HECW2: variants seen among roughly 807,000 people sequenced by gnomAD.
The protein encoded by HECW2 is HECT, C2 and WW domain containing E3 ubiquitin protein ligase 2, also known as E3 ubiquitin-protein ligase HECW2.
HECW2 carries 61 observed loss-of-function variants against 175.2 expected under a neutral mutation model. The ratio of observed to expected loss-of-function variants is 0.35; its 90% CI spans 0.28 to 0.43. The LOEUF (loss-of-function observed/expected upper bound fraction) is 0.43. Among genes scored for constraint, HECW2 ranks in the 20% least tolerant of loss-of-function variants. HECW2 has a pLI of 1.00. For missense variants in HECW2, 1,524 were observed against 2,000.5 expected (o/e 0.76, Z 4.54); for synonymous variants, 671 against 731.0 (o/e 0.92, Z 1.32).
intron 1 of HECW2, among the ~76,000 whole-genome samples, chr2:196,571,800 G>C (rs772201752): frequency 5.3e-5 from 8 of 152,074 alleles, no homozygotes; most frequent in Non-Finnish European, 1.0e-4. Flanking sequence ...CAAAAGAATT[G>C]AAAGCAAGGT....
At chr2:196,209,765 C>T (rs866015237) in intron 28 of HECW2, among the ~76,000 whole-genome samples, 1,418 of 140,096 alleles carry the variant, frequency 0.01, 31 homozygotes, top group African/African-American at 0.035. Flanking sequence ...TTCTTTCTTT[C>T]TTTTTTTTTT....
In HECW2 at chr2:196,323,915, G is replaced by GTTTTTTTTTTTTTTT. The variant is rs1160140452; in HGVS notation, c.741+1064_741+1065insAAAAAAAAAAAAAAA. ...CCCTTAAGAGTTTTTTTTGTTTTTT[G>GTTTTTTTTTTTTTTT]TTTGTTTTTTTTTTTTTTTTTTACC... On this transcript the variant is annotated intron_variant, in intron 6 of 28. Transcript: ENST00000644978. 1.3e-3 allele frequency among the ~76,000 whole-genome samples: 90 copies of GTTTTTTTTTTTTTTT among 68,522 alleles called. 7 individuals are homozygous for GTTTTTTTTTTTTTTT. Among genetic ancestry groups the GTTTTTTTTTTTTTTT allele is most frequent in the Non-Finnish European group, 1.9e-3 (60 of 32,420 alleles). 45.0% of individuals were successfully genotyped at this position (68,522 alleles called of 152,430 possible).
chr2:196,291,225 T>C (rs955933073), intron 14 of HECW2: 3 of 152,128 alleles, frequency 2.0e-5, no homozygotes, highest in African/African-American at 7.2e-5. Flanking sequence ...TATACTTTAC[T>C]CCTTACTTCT....
chr2:196,511,885 T>C (rs961004696), intron 1 of HECW2, among the ~76,000 whole-genome samples: 1 of 152,194 alleles, frequency 6.6e-6, no homozygotes, highest in African/African-American at 2.4e-5. Flanking sequence ...GGCCCTGTGA[T>C]TCAGGAACTT....
chr2:196,486,620 A>G (rs1330951139), intron 1 of HECW2, among the ~76,000 whole-genome samples: 1 of 152,200 alleles, frequency 6.6e-6, no homozygotes, highest in Non-Finnish European at 1.5e-5. Flanking sequence ...AGAAATGGGA[A>G]GAAGACACAG....
intron 2 of HECW2, among the ~76,000 whole-genome samples, chr2:196,374,031 CAA>C (rs1257396628): frequency 7.8e-6 from 1 of 127,456 alleles, no homozygotes; most frequent in African/African-American, 3.6e-5. Flanking sequence ...GACTCCGTCT[CAA>C]AAAAAATAAA....
intron 2 of HECW2, among the ~76,000 whole-genome samples, chr2:196,360,332 T>C (rs1357400829): frequency 6.6e-6 from 1 of 152,136 alleles, no homozygotes; most frequent in African/African-American, 2.4e-5. Flanking sequence ...AAAGAAAATG[T>C]AGTACATATA....
intron 1 of HECW2, among the ~76,000 whole-genome samples, chr2:196,561,925 A>G (rs961850510): frequency 3.3e-5 from 5 of 152,244 alleles, no homozygotes; most frequent in East Asian, 1.9e-4. Flanking sequence ...AGAGGCAATG[A>G]AAAGAGGCAA....
intron 3 of HECW2, among the ~76,000 whole-genome samples, chr2:196,336,398 T>C (rs1042048775): frequency 4.6e-5 from 7 of 152,158 alleles, no homozygotes; most frequent in Non-Finnish European, 4.4e-5. Flanking sequence ...TGCATGGGGA[T>C]TGAATTCTCT....
At chr2:196,522,886 T>C (rs1451295338) in intron 1 of HECW2, among the ~76,000 whole-genome samples, 2 of 152,212 alleles carry the variant, frequency 1.3e-5, no homozygotes, top group Non-Finnish European at 2.9e-5. Context: ...TGTAGCCTTG[T>C]AGTATAGTTT....
chr2:196,578,435 G>T (rs1690638490), intron 1 of HECW2, among the ~76,000 whole-genome samples: 1 of 152,116 alleles, frequency 6.6e-6, no homozygotes, highest in Non-Finnish European at 1.5e-5. Flanking sequence ...GAAAGAAATT[G>T]AAAGGATATT....
intron 2 of HECW2, among the ~76,000 whole-genome samples, chr2:196,366,210 C>A (rs1239592075): frequency 6.6e-6 from 1 of 152,156 alleles, no homozygotes; most frequent in Non-Finnish European, 1.5e-5. Flanking sequence ...TCCCAGAACC[C>A]TGCACAATTT....
intron 1 of HECW2, among the ~76,000 whole-genome samples, chr2:196,525,639 T>C (rs377073470): frequency 1.3e-5 from 2 of 149,052 alleles, no homozygotes; most frequent in East Asian, 2.0e-4. Context: ...CCATGTTTAG[T>C]GCTTCCTTCA....
chr2:196,310,768 TTGTG>T (rs143340435), intron 10 of HECW2, among the ~76,000 whole-genome samples: 4,571 of 148,306 alleles, frequency 0.031, 175 homozygotes, highest in African/African-American at 0.088. Flanking sequence ...AGCAACGATT[TTGTG>T]TGTGTGTGTG....
intron 3 of HECW2, among the ~76,000 whole-genome samples, chr2:196,338,254 C>T (rs997048934): frequency 2.0e-5 from 3 of 152,122 alleles, no homozygotes; most frequent in Non-Finnish European, 4.4e-5. Flanking sequence ...TTAAAATCAA[C>T]CATTCTACCA....
rs566493484 is a variant in HECW2 at position 196,255,771 on chromosome 2, A to G, written c.3420-1742T>C. Among the ~76,000 whole-genome samples, 4 of 152,296 alleles carry G rather than the reference A, an allele frequency of 2.6e-5. No homozygotes were observed. In the South Asian group the frequency reaches 6.2e-4, roughly 24 times the overall value. On this transcript the variant is annotated intron_variant, in intron 18 of 28. Coordinates refer to ENST00000644978, the MANE Select transcript of HECW2 (RefSeq NM_001348768.2). The stretch of plus-strand genomic sequence containing the variant: ...ACCAATTCAAATCATTCCAATTCCA[A>G]AGTGAAATAAAAAATAAAGGGCTGA...
chr2:196,342,685 A>T (rs1692800891), intron 3 of HECW2, among the ~76,000 whole-genome samples: 1 of 152,140 alleles, frequency 6.6e-6, no homozygotes, highest in African/African-American at 2.4e-5. Flanking sequence ...TAGTTGAGTT[A>T]TCTGCAGCCA....
At chr2:196,585,584 A>G (rs1281655860) in intron 1 of HECW2, among the ~76,000 whole-genome samples, 2 of 152,188 alleles carry the variant, frequency 1.3e-5, no homozygotes, top group Non-Finnish European at 1.5e-5. Flanking sequence ...AATAGCACAT[A>G]TATCTGCCTA....
At chr2:196,358,585 C>CAAAAAAAAAAAAAAAAAAAAAAAAAA (rs144181608) in intron 2 of HECW2, among the ~76,000 whole-genome samples, 1 of 67,330 alleles carries the variant, frequency 1.5e-5, no homozygotes, top group African/African-American at 6.3e-5. Context: ...GACTCTGTCT[C>CAAAAAAAAAAAAAAAAAAAAAAAAAA]AAAAAAAAAA....
Sources: allele counts gnomAD v4.1 joint callset (sites outside exome capture counted in the v4.1 genomes callset), GRCh38; gene constraint gnomAD v4.1.1; transcripts MANE v1.5; gene names NCBI Gene and HGNC (gene_info 2026-07-23, HGNC 2026-07-21).